The following GALNTL6 variants were observed in gnomAD, a reference collection of about 807,000 sequenced individuals.
The protein encoded by GALNTL6 is polypeptide N-acetylgalactosaminyltransferase like 6.
In GALNTL6, 46 loss-of-function variants were observed where a neutral mutation model predicts 73.7. The observed-to-expected ratio is 0.62, with a 90% CI of 0.49 to 0.80. GALNTL6 has a LOEUF of 0.80. Among genes scored for constraint, GALNTL6 ranks in the 30% least tolerant of loss-of-function variants. GALNTL6 has a pLI of 0.00. For missense variants in GALNTL6, 604 were observed against 755.0 expected (o/e 0.80, Z 2.34); for synonymous variants, 259 against 263.7 (o/e 0.98, Z 0.17).
chr4:172,123,913 G>A (rs527678296), intron 2 of GALNTL6, among the ~76,000 whole-genome samples: 7 of 152,216 alleles, frequency 4.6e-5, no homozygotes, highest in African/African-American at 1.4e-4. Flanking sequence ...GAAATTTTTA[G>A]AGTTCTAAGA....
chr4:173,016,538 C>T (rs1204011312), intron 11 of GALNTL6, among the ~76,000 whole-genome samples: 1 of 152,202 alleles, frequency 6.6e-6, no homozygotes, highest in Non-Finnish European at 1.5e-5. Context: ...GACTGCCCCA[C>T]TGGATTTTGG....
At chr4:172,343,519 T>G (rs978405267) in intron 4 of GALNTL6, among the ~76,000 whole-genome samples, 3 of 152,156 alleles carry the variant, frequency 2.0e-5, no homozygotes, top group East Asian at 1.9e-4. Flanking sequence ...GCCTTTTTTA[T>G]TGTTGAAAAA....
chr4:172,104,028 C>T (rs1732602327), intron 2 of GALNTL6, among the ~76,000 whole-genome samples: 1 of 151,412 alleles, frequency 6.6e-6, no homozygotes, highest in Non-Finnish European at 1.5e-5. Context: ...ACTGCAAGCT[C>T]CGCCTCCTGG....
chr4:172,986,606 T>C (rs1228978490), intron 10 of GALNTL6, among the ~76,000 whole-genome samples: 1 of 152,212 alleles, frequency 6.6e-6, no homozygotes, highest in Non-Finnish European at 1.5e-5. Context: ...TTTTTAGACC[T>C]GAGAATAGAT....
At chr4:172,169,906 G>A (rs1188322572) in intron 2 of GALNTL6, among the ~76,000 whole-genome samples, 5 of 152,128 alleles carry the variant, frequency 3.3e-5, no homozygotes, top group African/African-American at 1.2e-4. Context: ...AGCTTTGCAG[G>A]CATTATATTA....
Position 172,143,498 on chromosome 4 carries a change from T to C in GALNTL6, c.139-86158T>C, listed in dbSNP as rs190698532. ...TTGGTAGGTTTGAGGATTTTTGTTT[T>C]GTTTTGTTTTTTGTTTTACCTTTTT... On this transcript the variant is annotated intron_variant, in intron 2 of 12. Coordinates refer to ENST00000506823, the MANE Select transcript of GALNTL6 (RefSeq NM_001034845.3). 3.2e-3 allele frequency among the ~76,000 whole-genome samples: 489 copies of C among 152,180 alleles called. 3 individuals are homozygous for C. The highest frequency in any genetic ancestry group is 0.011 in the African/African-American group (477 of 41,568).
chr4:172,817,121 A>T (rs896911657), intron 7 of GALNTL6, among the ~76,000 whole-genome samples: 14 of 147,648 alleles, frequency 9.5e-5, no homozygotes, highest in African/African-American at 3.7e-4. Context: ...AAAAAAAAAA[A>T]AAGAAAGGAA....
chr4:172,423,609 T>A (rs1488381926), intron 5 of GALNTL6, among the ~76,000 whole-genome samples: 5 of 152,108 alleles, frequency 3.3e-5, no homozygotes, highest in African/African-American at 1.2e-4. Context: ...AAATACAACA[T>A]CACCCTCCAC....
At chr4:172,037,637 A>G (rs1288585545) in intron 2 of GALNTL6, among the ~76,000 whole-genome samples, 1 of 152,148 alleles carries the variant, frequency 6.6e-6, no homozygotes, top group Admixed American at 6.5e-5. Context: ...TCTTGTAGTT[A>G]TCTTTTTTAT....
chr4:172,313,814 C>A (rs1740450334), intron 4 of GALNTL6, among the ~76,000 whole-genome samples: 1 of 152,090 alleles, frequency 6.6e-6, no homozygotes, highest in East Asian at 1.9e-4. Context: ...AAACAAACAA[C>A]AACAGCAACA....
intron 7 of GALNTL6, among the ~76,000 whole-genome samples, chr4:172,846,067 C>T (rs1422950452): frequency 6.6e-6 from 1 of 152,162 alleles, no homozygotes; most frequent in East Asian, 1.9e-4. Context: ...TGATACATTT[C>T]TATTAAGCAT....
chr4:172,053,931 C>G (rs1730948966), intron 2 of GALNTL6, among the ~76,000 whole-genome samples: 2 of 151,984 alleles, frequency 1.3e-5, no homozygotes, highest in Non-Finnish European at 2.9e-5. Flanking sequence ...AAAGTAATCA[C>G]AAATTATGAG....
intron 7 of GALNTL6, among the ~76,000 whole-genome samples, chr4:172,869,977 T>C (rs1315729637): frequency 1.3e-5 from 2 of 152,156 alleles, no homozygotes; most frequent in African/African-American, 4.8e-5. Flanking sequence ...CGTTTCCTAA[T>C]TCCCTTCTTC....
intron 2 of GALNTL6, among the ~76,000 whole-genome samples, chr4:172,160,309 A>C (rs147603082): frequency 6.6e-6 from 1 of 152,114 alleles, no homozygotes; most frequent in East Asian, 1.9e-4. Flanking sequence ...AAAGAAAATC[A>C]AGAAAATTGC....
intron 2 of GALNTL6, among the ~76,000 whole-genome samples, chr4:171,938,091 G>A (rs909295357): frequency 6.6e-6 from 1 of 152,094 alleles, no homozygotes; most frequent in South Asian, 2.1e-4. Flanking sequence ...TTTAGGAACA[G>A]TTGGATTTTT....
intron 7 of GALNTL6, among the ~76,000 whole-genome samples, chr4:172,862,788 A>G (rs1015539273): frequency 6.6e-6 from 1 of 152,244 alleles, no homozygotes; most frequent in Non-Finnish European, 1.5e-5. Context: ...CCAGGAGCTG[A>G]ATATTAATCA....
intron 5 of GALNTL6, among the ~76,000 whole-genome samples, chr4:172,693,422 C>T (rs1215696155): frequency 2.0e-5 from 3 of 152,184 alleles, no homozygotes; most frequent in Admixed American, 2.0e-4. Flanking sequence ...GACTATCAGC[C>T]TCTTCATCAT....
chr4:172,891,361 A>C (rs956008415), intron 8 of GALNTL6, among the ~76,000 whole-genome samples: 10 of 152,150 alleles, frequency 6.6e-5, no homozygotes, highest in Admixed American at 6.5e-4. Context: ...CAGGTCTAGT[A>C]GTAGCAAATT....
intron 5 of GALNTL6, among the ~76,000 whole-genome samples, chr4:172,439,865 C>T (rs1731765716): frequency 6.6e-6 from 1 of 151,770 alleles, no homozygotes. Context: ...CCCCCATTAT[C>T]AATGTTTCCC....
Sources: allele counts gnomAD v4.1 joint callset (sites outside exome capture counted in the v4.1 genomes callset), GRCh38; gene constraint gnomAD v4.1.1; transcripts MANE v1.5; gene names NCBI Gene and HGNC (gene_info 2026-07-23, HGNC 2026-07-21).